Variants in ACSS3 observed in about 807,000 individuals in gnomAD.
ACSS3 encodes the protein acyl-CoA synthetase short chain family member 3.
Under a neutral mutation model 84.2 loss-of-function variants are expected in ACSS3, and 64 were observed. The ratio of observed to expected loss-of-function variants is 0.76; its 90% confidence interval spans 0.62 to 0.94. The LOEUF is 0.94. ACSS3 is among the 40% of genes least tolerant of loss of function. The pLI is 0.00. For missense variants in ACSS3, 815 were observed against 867.6 expected, an observed-to-expected ratio of 0.94 and a Z score of 0.76; for synonymous variants, 317 against 310.1, an observed-to-expected ratio of 1.02 and a Z score of -0.23.
chr12:81,233,277 T>C, intron 12 of ACSS3, 72 bp from the exon 13 acceptor site: 2 of 1,522,412 alleles, frequency 1.3e-6, no homozygotes, highest in Non-Finnish European at 1.8e-6. Flanking sequence ...CATTGTGTGT[T>C]TTACCAAGTT....
chr12:81,078,246 G>T lies in ACSS3; in HGVS notation c.126G>T (p.Pro42=). ...AALRALVVPG[P]RGGLGGRGCR... The stretch of plus-strand genomic sequence containing the variant: ...TCAGGGCTTTAGTGGTCCCGGGCCC[G>T]CGGGGCGGTCTCGGGGGCCGGGGAT... Residue 42 remains proline (P), a synonymous_variant, in exon 1 of 16, where the codon CCG becomes CCT. Coordinates refer to ENST00000548058, the MANE Select transcript of ACSS3 (RefSeq NM_024560.4). The T allele has an allele frequency of 1.2e-6, 2 of 1,607,004 alleles. No homozygotes were observed. The highest frequency in any genetic ancestry group is 8.5e-7 in the Non-Finnish European group (1 of 1,178,600).
chr12:81,177,890 A>G (rs944065036), intron 8 of ACSS3, among the ~76,000 whole-genome samples: 1 of 152,208 alleles, frequency 6.6e-6, no homozygotes, highest in Non-Finnish European at 1.5e-5. Flanking sequence ...TTCAACCATT[A>G]TGAAAGTCAG....
In ACSS3 at chr12:81,081,535, ATTTT is replaced by A. The variant is rs781578238; in HGVS notation, c.311+3105_311+3108del. 1.6e-4 allele frequency among the ~76,000 whole-genome samples: 25 copies of A among 152,218 alleles called. No homozygotes were observed. In the East Asian group the frequency reaches 4.8e-3, roughly 29 times the overall value. On this transcript the variant is annotated intron_variant, in intron 1 of 15. Transcript: ENST00000548058. ...AACAACAAAGTGGAAGTTTCTGGTT[ATTTT>A]CTCCGGATAGACATCCTGCTGCCTG...
chr12:81,241,096 T>C (rs1479974157), intron 13 of ACSS3, among the ~76,000 whole-genome samples: 3 of 151,498 alleles, frequency 2.0e-5, no homozygotes, highest in African/African-American at 4.9e-5. Flanking sequence ...TTTGGTTTTT[T>C]GTTCTTGCGA....
At position 81,220,032 on chromosome 12, in the gene ACSS3, C is replaced by A; in HGVS notation, c.1470C>A (p.Asn490Lys). The part of the protein sequence containing the change: ...PGYNVMILDD[N>K]MQKLKARCLG... ...TTGTAGTTATGATTTTGGATGACAA[C>A]ATGCAAAAACTGAAGGCTCGGTGTT... Residue 490 changes from asparagine (N) to lysine (K), a missense_variant, in exon 11 of 16, where the codon AAC becomes AAA. Asn to Lys is a moderately conservative substitution (Grantham distance 94, BLOSUM62 0). Coordinates refer to ENST00000548058, the MANE Select transcript of ACSS3 (RefSeq NM_024560.4). 6.5e-7 allele frequency: 1 copy of A among 1,537,088 alleles called. No homozygotes were observed. The highest frequency in any genetic ancestry group is 1.3e-5 in the South Asian group (1 of 75,874).
At chr12:81,236,249 G>T (rs577942709) in intron 13 of ACSS3, among the ~76,000 whole-genome samples, 137 of 151,492 alleles carry the variant, frequency 9.0e-4, no homozygotes, top group Middle Eastern at 3.4e-3. Context: ...ACAATGTTAC[G>T]TGAATTACAT....
chr12:81,166,264 G>T (rs1887399025), intron 7 of ACSS3, among the ~76,000 whole-genome samples: 1 of 152,184 alleles, frequency 6.6e-6, no homozygotes, highest in African/African-American at 2.4e-5. Context: ...TGAAAAGGGA[G>T]CTGAAAATGG....
chr12:81,091,374 G>A (rs772976471), intron 1 of ACSS3, among the ~76,000 whole-genome samples: 1 of 151,824 alleles, frequency 6.6e-6, no homozygotes, highest in East Asian at 1.9e-4. Flanking sequence ...TAATATATTA[G>A]AGTAAAAGCC....
At chr12:81,192,518 C>CA (rs531769204) in intron 8 of ACSS3, among the ~76,000 whole-genome samples, 84 of 152,276 alleles carry the variant, frequency 5.5e-4, no homozygotes, top group Non-Finnish European at 9.7e-4. Flanking sequence ...CACTTCTATT[C>CA]ATTAGGAATG....
intron 1 of ACSS3, among the ~76,000 whole-genome samples, chr12:81,100,096 A>G (rs1593039885): frequency 6.6e-6 from 1 of 152,204 alleles, no homozygotes; most frequent in African/African-American, 2.4e-5. Flanking sequence ...GCTAAGGTGA[A>G]GAAGAGAACA....
intron 4 of ACSS3, 29 bp downstream of exon 4, chr12:81,139,294 C>T (rs747475511): frequency 5.0e-6 from 8 of 1,609,376 alleles, no homozygotes; most frequent in Non-Finnish European, 6.8e-6. Context: ...TTGGTTCTTG[C>T]TTATGGTAAT....
chr12:81,209,176 G>A (rs2032482027), intron 9 of ACSS3, among the ~76,000 whole-genome samples: 1 of 151,972 alleles, frequency 6.6e-6, no homozygotes, highest in African/African-American at 2.4e-5. Flanking sequence ...TAACTAGTCA[G>A]CAAACATTTC....
At chr12:81,227,191 G>A (rs1235512306) in intron 11 of ACSS3, among the ~76,000 whole-genome samples, 1 of 151,816 alleles carries the variant, frequency 6.6e-6, no homozygotes, top group East Asian at 1.9e-4. Context: ...TTTCTATTAA[G>A]TTCTTCAACT....
intron 9 of ACSS3, among the ~76,000 whole-genome samples, chr12:81,215,496 C>A (rs938993113): frequency 5.3e-5 from 8 of 152,284 alleles, no homozygotes; most frequent in Middle Eastern, 3.4e-3. Flanking sequence ...GTAATAAATT[C>A]TTCCCATCAT....
At chr12:81,099,556 A>C (rs912781118) in intron 1 of ACSS3, among the ~76,000 whole-genome samples, 1 of 152,170 alleles carries the variant, frequency 6.6e-6, no homozygotes, top group African/African-American at 2.4e-5. Flanking sequence ...CACTGTTAAA[A>C]ATATATTAAG....
At chr12:81,242,652 T>A (rs2033848244) in intron 13 of ACSS3, among the ~76,000 whole-genome samples, 1 of 135,934 alleles carries the variant, frequency 7.4e-6, no homozygotes, top group Non-Finnish European at 1.7e-5. Context: ...TCAAAAAGTT[T>A]ATCCACCATG....
At chr12:81,130,651 T>G (rs1191314590) in intron 2 of ACSS3, among the ~76,000 whole-genome samples, 1 of 152,178 alleles carries the variant, frequency 6.6e-6, no homozygotes, top group Admixed American at 6.5e-5. Context: ...ATTTGTCTAT[T>G]TTGGCTTTTG....
chr12:81,207,652 CA>C (rs886679217), intron 9 of ACSS3, among the ~76,000 whole-genome samples: 39 of 151,968 alleles, frequency 2.6e-4, no homozygotes, highest in Admixed American at 1.9e-3. Context: ...AATTCAGATT[CA>C]AAAAAACTTG....
intron 13 of ACSS3, among the ~76,000 whole-genome samples, chr12:81,250,140 A>G (rs1341052492): frequency 6.6e-6 from 1 of 151,918 alleles, no homozygotes; most frequent in African/African-American, 2.4e-5. Flanking sequence ...GTGGTTTTTG[A>G]TATTTTTCCC....
Sources: gnomAD v4.1 joint callset for allele counts (sites outside exome capture counted in the v4.1 genomes callset) on GRCh38, gnomAD v4.1.1 for gene constraint, MANE v1.5 for transcripts, NCBI Gene and HGNC (gene_info 2026-07-23, HGNC 2026-07-21) for gene names.